The following IGSF11 variants were observed in gnomAD, a reference collection of about 807,000 sequenced individuals.
The protein encoded by IGSF11 is immunoglobulin superfamily member 11.
In IGSF11, 22 loss-of-function variants were observed where a neutral mutation model predicts 41.0. The observed-to-expected ratio is 0.54, with a 90% confidence interval of 0.38 to 0.77. The LOEUF (loss-of-function observed/expected upper bound fraction) is 0.77. IGSF11 is among the 30% of genes least tolerant of loss of function. The pLI, the probability that IGSF11 is intolerant of heterozygous loss-of-function variation, is 0.00. For synonymous variants in IGSF11, 219 were observed against 201.3 expected (o/e 1.09, Z -0.74); for missense variants, 444 against 530.8 (o/e 0.84, Z 1.61).
intron 1 of IGSF11, among the ~76,000 whole-genome samples, chr3:119,098,657 G>A (rs891146978): frequency 4.6e-5 from 7 of 152,166 alleles, no homozygotes; most frequent in South Asian, 2.1e-4. Flanking sequence ...CCTTTACTAC[G>A]GATTAGTTTC....
At chr3:118,934,435 T>A (rs979004172) in intron 1 of IGSF11, among the ~76,000 whole-genome samples, 6 of 152,182 alleles carry the variant, frequency 3.9e-5, no homozygotes, top group Admixed American at 6.5e-5. Flanking sequence ...CTTTTCCACA[T>A]GGATACTGAA....
intron 1 of IGSF11, among the ~76,000 whole-genome samples, chr3:119,006,212 T>C (rs1439953312): frequency 1.5e-5 from 2 of 129,638 alleles, no homozygotes; most frequent in African/African-American, 7.2e-5. Context: ...TTTTCATTCA[T>C]TTCATCTTCC....
At chr3:119,060,375 C>G (rs1446454225) in intron 1 of IGSF11, among the ~76,000 whole-genome samples, 3 of 152,060 alleles carry the variant, frequency 2.0e-5, no homozygotes, top group Non-Finnish European at 2.9e-5. Context: ...AAAAAACAAC[C>G]CTGAGAAGAA....
rs1313160951 is a variant in IGSF11 at position 118,904,061 on chromosome 3, A to G, written c.854+587T>C. 7.2e-5 allele frequency among the ~76,000 whole-genome samples: 11 copies of G among 152,206 alleles called. No homozygotes were observed. The East Asian group carries it at 1.9e-3, about 27-fold the overall frequency. On this transcript the variant is annotated intron_variant, in intron 6 of 6. Coordinates refer to ENST00000393775, the MANE Select transcript of IGSF11 (RefSeq NM_001015887.3). Reference sequence around the variant, plus strand: ...CTGTAAGGCTGTGGTATGTCTCACTATGGAGACTGGAGTCATTACAGCATT... The same window carrying G: ...CTGTAAGGCTGTGGTATGTCTCACTGTGGAGACTGGAGTCATTACAGCATT...
chr3:119,112,417 C>T (rs560130379), intron 1 of IGSF11, among the ~76,000 whole-genome samples: 324 of 152,296 alleles, frequency 2.1e-3, no homozygotes, highest in Non-Finnish European at 3.3e-3. Context: ...GATATAATCT[C>T]CTGGTGTGCC....
chr3:118,949,470 T>C (rs964635818), intron 1 of IGSF11, among the ~76,000 whole-genome samples: 19 of 152,028 alleles, frequency 1.2e-4, no homozygotes, highest in Admixed American at 7.9e-4. Context: ...CAAACACCAC[T>C]TCAAGAATAA....
chr3:118,966,065 A>C (rs1945656891), intron 1 of IGSF11, among the ~76,000 whole-genome samples: 1 of 152,118 alleles, frequency 6.6e-6, no homozygotes, highest in Non-Finnish European at 1.5e-5. Context: ...AATAGTAGTT[A>C]ATCCAAGAAC....
chr3:119,007,731 C>G (rs1198316961), intron 1 of IGSF11, among the ~76,000 whole-genome samples: 1 of 152,184 alleles, frequency 6.6e-6, no homozygotes, highest in Non-Finnish European at 1.5e-5. Context: ...CATCCTACAA[C>G]TCGACATTTC....
intron 1 of IGSF11, among the ~76,000 whole-genome samples, chr3:118,994,710 T>C (rs1936104237): frequency 6.6e-6 from 1 of 152,198 alleles, no homozygotes; most frequent in South Asian, 2.1e-4. Flanking sequence ...CACTGCTTGT[T>C]AAGTCTAAGA....
intron 1 of IGSF11, among the ~76,000 whole-genome samples, chr3:119,066,270 G>A (rs1942230997): frequency 6.6e-6 from 1 of 152,100 alleles, no homozygotes; most frequent in Admixed American, 6.5e-5. Flanking sequence ...GTTAGGACAT[G>A]GACATATCTT....
At chr3:118,981,290 C>A (rs1302387095) in intron 1 of IGSF11, among the ~76,000 whole-genome samples, 1 of 152,174 alleles carries the variant, frequency 6.6e-6, no homozygotes, top group Non-Finnish European at 1.5e-5. Flanking sequence ...CTGCTTCAGC[C>A]TCCCAAGTAG....
At chr3:119,137,539 T>C (rs1444572763) in intron 1 of IGSF11, among the ~76,000 whole-genome samples, 1 of 152,100 alleles carries the variant, frequency 6.6e-6, no homozygotes, top group Non-Finnish European at 1.5e-5. Flanking sequence ...GAAACTGGAC[T>C]CCTATCTCTC....
intron 1 of IGSF11, among the ~76,000 whole-genome samples, chr3:119,057,367 T>C (rs1434460205): frequency 6.6e-6 from 1 of 152,064 alleles, no homozygotes; most frequent in Non-Finnish European, 1.5e-5. Context: ...GAACTCCCAT[T>C]CACAATTGCT....
chr3:118,916,226 A>G (rs1197921198), intron 4 of IGSF11, among the ~76,000 whole-genome samples: 1 of 151,402 alleles, frequency 6.6e-6, no homozygotes, highest in African/African-American at 2.4e-5. Flanking sequence ...AGCTAACATC[A>G]TAATGACAGG....
At chr3:119,145,319 G>A (rs1205434032) in intron 1 of IGSF11, among the ~76,000 whole-genome samples, 1 of 152,106 alleles carries the variant, frequency 6.6e-6, no homozygotes, top group Non-Finnish European at 1.5e-5. Context: ...CACCACCTCT[G>A]TACTGGCCTA....
intron 1 of IGSF11, among the ~76,000 whole-genome samples, chr3:119,053,051 G>C (rs147112637): frequency 6.6e-6 from 1 of 152,150 alleles, no homozygotes; most frequent in Non-Finnish European, 1.5e-5. Context: ...ACTGAATGGG[G>C]AAAAGTTGAA....
intron 4 of IGSF11, among the ~76,000 whole-genome samples, chr3:118,924,148 A>AT (rs1942084558): frequency 6.6e-6 from 1 of 151,466 alleles, no homozygotes; most frequent in African/African-American, 2.4e-5. Context: ...GGTGATTCTT[A>AT]TTTTATTCTA....
intron 1 of IGSF11, among the ~76,000 whole-genome samples, 180 bp downstream of exon 1, chr3:119,034,351 A>G (rs1940716450): frequency 6.6e-6 from 1 of 152,302 alleles, no homozygotes; most frequent in African/African-American, 2.4e-5. Flanking sequence ...CGCGGGCGGC[A>G]GAAGCAGCCG....
In IGSF11 at chr3:118,929,994, C is replaced by T. The variant is rs907016967; in HGVS notation, c.216+118G>A. On this transcript the variant is annotated intron_variant, in intron 2 of 6. Coordinates refer to ENST00000393775, the MANE Select transcript of IGSF11 (RefSeq NM_001015887.3). The stretch of plus-strand genomic sequence containing the variant: ...GAGGAGTAGGCCTTAAAAGAGTACA[C>T]GCACATTGACAATGCCACCTTATTC... The T allele has an allele frequency of 1.8e-5, 17 of 959,864 alleles. No individual in the cohort carries two copies. In the East Asian group the frequency reaches 1.8e-4, roughly 10 times the overall value. The allele number at this position is 959,864 out of a possible 1,614,324, so 59.5% of individuals were successfully genotyped here. A position where few individuals can be genotyped will look rare whatever the true frequency, so the allele number is the denominator to read the frequency against.
Sources: gnomAD v4.1 joint callset for allele counts (sites outside exome capture counted in the v4.1 genomes callset) on GRCh38, gnomAD v4.1.1 for gene constraint, MANE v1.5 for transcripts, NCBI Gene and HGNC (gene_info 2026-07-23, HGNC 2026-07-21) for gene names.